The following CIMIP4 variants were observed in gnomAD, a reference collection of about 807,000 sequenced individuals.
The protein encoded by CIMIP4 is protein EAN57.
At chr22:37,002,030 C>G in the CIMIP4 span, 9 of 1,611,380 alleles carry the variant, frequency 5.6e-6, no homozygotes, top group South Asian at 9.9e-5. Context: ...CGAGGAGGAT[C>G]GAGAGCCCGC....
the CIMIP4 span, among the ~76,000 whole-genome samples, chr22:36,994,588 C>G: frequency 6.7e-6 from 1 of 148,594 alleles, no homozygotes; most frequent in Non-Finnish European, 1.5e-5. Flanking sequence ...AGGATGATCT[C>G]GATCTCTTGA....
At chr22:36,993,902 A>G in the CIMIP4 span, among the ~76,000 whole-genome samples, 2 of 152,236 alleles carry the variant, frequency 1.3e-5, no homozygotes, top group Non-Finnish European at 2.9e-5. Context: ...CCAGGTATGT[A>G]TCATTGAAGG....
the CIMIP4 span, among the ~76,000 whole-genome samples, chr22:37,006,273 A>G: frequency 2.6e-5 from 4 of 152,250 alleles, no homozygotes; most frequent in Non-Finnish European, 5.9e-5. Flanking sequence ...AAGACAAGTC[A>G]GAGAGTGGAT....
the CIMIP4 span, among the ~76,000 whole-genome samples, chr22:36,993,648 G>T: frequency 1.3e-5 from 2 of 151,922 alleles, no homozygotes; most frequent in Non-Finnish European, 1.5e-5. Flanking sequence ...AGAATGGCGT[G>T]AACCCAGGAG....
chr22:37,001,756 G>A, the CIMIP4 span: 2 of 1,346,894 alleles, frequency 1.5e-6, no homozygotes, highest in African/African-American at 1.5e-5. Context: ...ATTATTATAG[G>A]GACTCTGTAC....
the CIMIP4 span, among the ~76,000 whole-genome samples, chr22:37,005,553 GT>G: frequency 0.43 from 62,488 of 145,284 alleles, 13,146 homozygotes; most frequent in East Asian, 0.53. Context: ...ACCTTAAACA[GT>G]TTTTTTTTTT....
chr22:37,000,140 G>A, the CIMIP4 span, among the ~76,000 whole-genome samples: 28 of 152,122 alleles, frequency 1.8e-4, no homozygotes, highest in African/African-American at 6.3e-4. Context: ...GGGGAGCTGG[G>A]GTATACAAAG....
chr22:37,001,029 C>CT, the CIMIP4 span, among the ~76,000 whole-genome samples: 1 of 152,112 alleles, frequency 6.6e-6, no homozygotes, highest in Admixed American at 6.5e-5. Flanking sequence ...CCTGCCTGAC[C>CT]TTCCACACAA....
chr22:37,001,791 C>T, the CIMIP4 span: 2 of 1,462,174 alleles, frequency 1.4e-6, no homozygotes, highest in South Asian at 1.4e-5. Context: ...ATCTTATGTC[C>T]TCATTATAAG....
chr22:36,993,283 T>C, the CIMIP4 span, among the ~76,000 whole-genome samples: 8 of 151,992 alleles, frequency 5.3e-5, no homozygotes, highest in Admixed American at 5.2e-4. Flanking sequence ...GTGCTGGGGT[T>C]ACAGGTGTGA....
At chr22:36,995,703 A>G in the CIMIP4 span, among the ~76,000 whole-genome samples, 1 of 152,152 alleles carries the variant, frequency 6.6e-6, no homozygotes, top group Non-Finnish European at 1.5e-5. Flanking sequence ...TGGCTTTATA[A>G]GGGGAAACTT....
the CIMIP4 span, chr22:37,003,949 T>A: frequency 6.5e-7 from 1 of 1,548,568 alleles, no homozygotes. Flanking sequence ...AGCACATCCC[T>A]GGTCTGCCTG....
At chr22:37,002,374 G>GGGAGGGGGCAGAGATGGGGGTGA in the CIMIP4 span, 1 of 884,778 alleles carries the variant, frequency 1.1e-6, no homozygotes, top group African/African-American at 1.7e-5. Flanking sequence ...GTAGAGGGTG[G>GGGAGGGGGCAGAGATGGGGGTGA]GGAGGGGGCA....
chr22:36,995,962 A>G, the CIMIP4 span, among the ~76,000 whole-genome samples: 2 of 152,262 alleles, frequency 1.3e-5, no homozygotes, highest in East Asian at 1.9e-4. Context: ...TATAGACACC[A>G]TTGTCCTAGA....
chr22:36,999,935 G>A, the CIMIP4 span: 46 of 1,613,854 alleles, frequency 2.9e-5, no homozygotes, highest in Admixed American at 3.3e-4. Flanking sequence ...GCTGGGCCAT[G>A]AGCTTGCCCT....
the CIMIP4 span, among the ~76,000 whole-genome samples, chr22:37,001,245 G>A: frequency 2.6e-5 from 4 of 151,646 alleles, no homozygotes; most frequent in African/African-American, 9.7e-5. Flanking sequence ...GGCTGGGAGG[G>A]TTGTGATACG....
the CIMIP4 span, chr22:36,999,840 C>T: frequency 1.2e-6 from 2 of 1,612,236 alleles, no homozygotes; most frequent in East Asian, 2.2e-5. Flanking sequence ...TTGACTTGAC[C>T]TCGAAACAAG....
the CIMIP4 span, among the ~76,000 whole-genome samples, chr22:37,004,768 A>C: frequency 6.6e-6 from 1 of 151,444 alleles, no homozygotes; most frequent in African/African-American, 2.4e-5. Flanking sequence ...GCTCACTGCA[A>C]CCTCCACCTC....
chr22:36,991,143 T>C, the CIMIP4 span: 2 of 1,597,586 alleles, frequency 1.3e-6, no homozygotes, highest in Non-Finnish European at 1.7e-6. Context: ...TTGTTAGCAC[T>C]TTATTTGAGT....
Sources: allele counts gnomAD v4.1 joint callset (sites outside exome capture counted in the v4.1 genomes callset), GRCh38; gene constraint gnomAD v4.1.1; transcripts MANE v1.5; gene names NCBI Gene and HGNC (gene_info 2026-07-23, HGNC 2026-07-21).